RAPGEF4: variants seen among roughly 807,000 people sequenced by gnomAD.
RAPGEF4 encodes RAP guanine-nucleotide-exchange factor (GEF) 4.
RAPGEF4 carries 66 observed loss-of-function variants against 147.9 expected under a neutral mutation model. That is an observed-to-expected ratio of 0.45 (90% CI 0.37 to 0.55). RAPGEF4 has a LOEUF of 0.55. Among genes scored for constraint, RAPGEF4 ranks in the 20% least tolerant of loss-of-function variants. The pLI is 0.00. For synonymous variants in RAPGEF4, 419 were observed against 442.7 expected (o/e 0.95, Z 0.67); for missense variants, 1,071 against 1,257.3 (o/e 0.85, Z 2.24).
chr2:172,959,911 G>A (rs933073591), intron 6 of RAPGEF4, among the ~76,000 whole-genome samples: 1 of 151,936 alleles, frequency 6.6e-6, no homozygotes, highest in Admixed American at 6.6e-5. Context: ...GCAACATATC[G>A]AGACCTCATC....
intron 1 of RAPGEF4, among the ~76,000 whole-genome samples, chr2:172,777,792 T>C (rs146444466): frequency 0.011 from 1,634 of 152,240 alleles, 30 homozygotes; most frequent in Admixed American, 0.037. Context: ...TGTAGACAGA[T>C]CTTTTTTGTG....
chr2:172,764,931 A>G (rs1376196016), intron 1 of RAPGEF4, among the ~76,000 whole-genome samples: 1 of 152,200 alleles, frequency 6.6e-6, no homozygotes, highest in Non-Finnish European at 1.5e-5. Context: ...TTAGTTTCCT[A>G]CAACTGCCAA....
intron 17 of RAPGEF4, among the ~76,000 whole-genome samples, chr2:173,011,223 C>T (rs1323490084): frequency 5.3e-5 from 8 of 151,528 alleles, no homozygotes; most frequent in Non-Finnish European, 1.2e-4. Context: ...ATCTCTTTCC[C>T]ATTAGGCTTT....
intron 4 of RAPGEF4, among the ~76,000 whole-genome samples, chr2:172,815,416 T>A (rs1688405663): frequency 6.6e-6 from 1 of 152,214 alleles, no homozygotes; most frequent in Non-Finnish European, 1.5e-5. Flanking sequence ...TTGGCAGTAG[T>A]GAATAAATTG....
intron 1 of RAPGEF4, among the ~76,000 whole-genome samples, chr2:172,756,263 G>A (rs540652590): frequency 1.3e-5 from 2 of 152,282 alleles, no homozygotes; most frequent in Admixed American, 1.3e-4. Flanking sequence ...AGTTTAGGAG[G>A]GACCTTAAGC....
chr2:172,928,171 G>A (rs1349330587), intron 6 of RAPGEF4: 1 of 454,668 alleles, frequency 2.2e-6, no homozygotes, highest in Non-Finnish European at 4.4e-6. Flanking sequence ...TGTTGAAGGT[G>A]CCAAGAACAA....
chr2:172,975,363 C>T (rs1432153708), intron 10 of RAPGEF4, among the ~76,000 whole-genome samples: 1 of 152,098 alleles, frequency 6.6e-6, no homozygotes, highest in African/African-American at 2.4e-5. Flanking sequence ...ACATCCGTCC[C>T]CTCTTTGAAC....
chr2:172,814,215 G>T, intron 3 of RAPGEF4, 64 bp from the exon 4 acceptor site: 1 of 1,550,658 alleles, frequency 6.4e-7, no homozygotes, highest in East Asian at 2.3e-5. Context: ...TGCAGTTAAA[G>T]AAAAGAAAAC....
intron 4 of RAPGEF4, among the ~76,000 whole-genome samples, chr2:172,892,393 A>T (rs1698021929): frequency 6.6e-6 from 1 of 152,148 alleles, no homozygotes; most frequent in African/African-American, 2.4e-5. Context: ...CCAACCTTCC[A>T]TTTCAGCTGC....
chr2:172,970,737 C>G (rs764232179), intron 10 of RAPGEF4, among the ~76,000 whole-genome samples: 3 of 151,996 alleles, frequency 2.0e-5, no homozygotes, highest in Non-Finnish European at 2.9e-5. Context: ...AAAGAATGTT[C>G]TGTAGTTTAA....
chr2:172,838,023 G>T (rs1206523114), intron 4 of RAPGEF4, among the ~76,000 whole-genome samples: 1 of 152,118 alleles, frequency 6.6e-6, no homozygotes, highest in Non-Finnish European at 1.5e-5. Flanking sequence ...ATGAGACTCT[G>T]GGGTGAACAA....
chr2:172,830,882 G>A (rs943010429), intron 4 of RAPGEF4, among the ~76,000 whole-genome samples: 2 of 152,268 alleles, frequency 1.3e-5, no homozygotes, highest in Non-Finnish European at 2.9e-5. Flanking sequence ...ATATTGAAAA[G>A]TATGCTTCTC....
chr2:172,801,658 G>A (rs1274060586), intron 3 of RAPGEF4, among the ~76,000 whole-genome samples: 1 of 152,140 alleles, frequency 6.6e-6, no homozygotes, highest in African/African-American at 2.4e-5. Flanking sequence ...AGGTCATAAA[G>A]CTGCTGGGTA....
intron 1 of RAPGEF4, among the ~76,000 whole-genome samples, chr2:172,761,571 G>A (rs1230853149): frequency 6.6e-6 from 1 of 152,162 alleles, no homozygotes; most frequent in Non-Finnish European, 1.5e-5. Context: ...ACTAAGAGGA[G>A]TTGTGACTAG....
At chr2:172,931,997 C>G (rs1443691441) in intron 6 of RAPGEF4, among the ~76,000 whole-genome samples, 1 of 150,672 alleles carries the variant, frequency 6.6e-6, no homozygotes, top group Non-Finnish European at 1.5e-5. Context: ...CACCCCCACC[C>G]CCATGCGCCC....
chr2:172,776,115 G>A (rs1454554051), intron 1 of RAPGEF4, among the ~76,000 whole-genome samples: 1 of 152,054 alleles, frequency 6.6e-6, no homozygotes, highest in East Asian at 1.9e-4. Flanking sequence ...TTTATTTATT[G>A]GTTTAATATG....
chr2:172,783,685 C>T (rs533449640), intron 1 of RAPGEF4, among the ~76,000 whole-genome samples: 4 of 151,866 alleles, frequency 2.6e-5, no homozygotes, highest in East Asian at 3.9e-4. Flanking sequence ...GAGGTGCTTG[C>T]GTGTGTGTAT....
chr2:172,976,212 G>T (rs1691048586), intron 10 of RAPGEF4, among the ~76,000 whole-genome samples: 1 of 152,228 alleles, frequency 6.6e-6, no homozygotes, highest in South Asian at 2.1e-4. Flanking sequence ...AGGTGAGGGG[G>T]TGGTGGCATG....
At chr2:172,971,596 T>C (rs1225510585) in intron 10 of RAPGEF4, among the ~76,000 whole-genome samples, 2 of 152,112 alleles carry the variant, frequency 1.3e-5, no homozygotes, top group East Asian at 3.8e-4. Flanking sequence ...TCTCCCTAGG[T>C]TTTTTGAAAC....
Sources: gnomAD v4.1 joint callset for allele counts (sites outside exome capture counted in the v4.1 genomes callset) on GRCh38, gnomAD v4.1.1 for gene constraint, MANE v1.5 for transcripts, NCBI Gene and HGNC (gene_info 2026-07-23, HGNC 2026-07-21) for gene names.